KCNJ15: variants seen among roughly 807,000 people sequenced by gnomAD.
KCNJ15 encodes the protein potassium inwardly rectifying channel subfamily J member 15, also known as ATP-sensitive inward rectifier potassium channel 15.
KCNJ15 carries 14 observed loss-of-function variants against 23.0 expected under a neutral mutation model. The observed-to-expected ratio is 0.61, with a 90% CI of 0.40 to 0.95. The LOEUF (loss-of-function observed/expected upper bound fraction) is 0.95. KCNJ15 is among the 40% of genes least tolerant of loss of function. KCNJ15 has a pLI of 0.00. For synonymous variants in KCNJ15, 185 were observed against 183.2 expected, an observed-to-expected ratio of 1.01 and a Z score of -0.08; for missense variants, 388 against 461.8, an observed-to-expected ratio of 0.84 and a Z score of 1.46.
chr21:38,301,966 G>A lies in KCNJ15; in HGVS notation c.*1577G>A, dbSNP rs1055065057. The A allele has an allele frequency of 3.2e-5, 5 of 156,040 alleles. No homozygotes were observed. The highest frequency in any genetic ancestry group is 5.9e-5 in the Non-Finnish European group (4 of 67,924). The allele number at this position is 156,040 out of a possible 1,614,324, so 9.7% of individuals were successfully genotyped here. A position where few individuals can be genotyped will look rare whatever the true frequency, so the allele number is the denominator to read the frequency against. ...ACCAAGCACACACACAGTCACACAC[G>A]CACACACACACACATGCACACACGC... On this transcript the variant is annotated 3_prime_UTR_variant, in exon 3 of 3. Transcript: ENST00000398938.
intron 1 of KCNJ15, among the ~76,000 whole-genome samples, chr21:38,239,773 A>G (rs1181416013): frequency 1.3e-5 from 2 of 152,224 alleles, no homozygotes; most frequent in African/African-American, 2.4e-5. Flanking sequence ...GCTTGGGCCC[A>G]TATCCCAACT....
intron 1 of KCNJ15, among the ~76,000 whole-genome samples, chr21:38,290,931 A>G (rs2123706529): frequency 6.6e-6 from 1 of 150,898 alleles, no homozygotes; most frequent in East Asian, 1.9e-4. Flanking sequence ...CTCCCTAGAT[A>G]TAAAGTGTAG....
At chr21:38,271,693 CT>C (rs1455185843) in intron 1 of KCNJ15, among the ~76,000 whole-genome samples, 3 of 152,188 alleles carry the variant, frequency 2.0e-5, no homozygotes, top group African/African-American at 7.2e-5. Flanking sequence ...TGCTACACTG[CT>C]TAGGCCACAC....
intron 1 of KCNJ15, among the ~76,000 whole-genome samples, chr21:38,236,334 T>C (rs1978599369): frequency 6.6e-6 from 1 of 152,252 alleles, no homozygotes; most frequent in African/African-American, 2.4e-5. Context: ...CAAATTCTAA[T>C]TCTATTAGAA....
intron 1 of KCNJ15, among the ~76,000 whole-genome samples, chr21:38,274,031 T>C (rs1982380870): frequency 6.6e-6 from 1 of 152,244 alleles, no homozygotes; most frequent in Non-Finnish European, 1.5e-5. Flanking sequence ...TTCAAATGTT[T>C]ATGTTTCTAA....
chr21:38,235,993 G>A (rs112557080), intron 1 of KCNJ15, among the ~76,000 whole-genome samples: 35 of 152,298 alleles, frequency 2.3e-4, no homozygotes, highest in Middle Eastern at 3.4e-3. Flanking sequence ...TTTAGATTGT[G>A]TTAATATTTC....
rs574233367 is a variant in KCNJ15 at position 38,303,928 on chromosome 21, G to A, written c.*3539G>A. 12 of 152,200 alleles carry A rather than the reference G, an allele frequency of 7.9e-5. No homozygotes were observed. The highest frequency in any genetic ancestry group is 2.2e-4 in the African/African-American group (9 of 41,532). 9.4% of individuals were successfully genotyped at this position (152,200 alleles called of 1,614,324 possible). A position where few individuals can be genotyped will look rare whatever the true frequency, so the allele number is the denominator to read the frequency against. ...AGCACTAGGCCTTTGACTAGGTTTGGTTCTATATGCTGTCATGATGTTCAA... is the reference window on the plus strand; with the variant it reads ...AGCACTAGGCCTTTGACTAGGTTTGATTCTATATGCTGTCATGATGTTCAA... On this transcript the variant is annotated 3_prime_UTR_variant, in exon 3 of 3. Transcript: ENST00000398938.
In KCNJ15 at chr21:38,299,442, A is replaced by T. The variant is rs756694827; in HGVS notation, c.181A>T (p.Met61Leu). ...AGACCTGTGGACCACAGTTATCGAC[A>T]TGAAGTGGAGATACAAACTCACCCT... ...LQDLWTTVID[M>L]KWRYKLTLFA... The change falls in exon 3 of 3, where the codon ATG (methionine) becomes TTG (leucine). Residue 61 changes from methionine to leucine, a missense_variant. Physicochemically the swap from Met to Leu is conservative, Grantham distance 15. Coordinates refer to ENST00000398938, the MANE Select transcript of KCNJ15 (RefSeq NM_170736.3). The surrounding 1 kb of genome is among the most constrained non-coding windows in gnomAD (Gnocchi z 4.5). 6.2e-7 allele frequency: 1 copy of T among 1,614,198 alleles called. No individual in the cohort carries two copies. Among genetic ancestry groups the T allele is most frequent in the South Asian group, 1.1e-5 (1 of 91,078 alleles).
At chr21:38,242,801 T>C (rs1979101171) in intron 1 of KCNJ15, among the ~76,000 whole-genome samples, 1 of 152,158 alleles carries the variant, frequency 6.6e-6, no homozygotes, top group South Asian at 2.1e-4. Context: ...TTACACAAAC[T>C]ATTTGTATGC....
intron 1 of KCNJ15, among the ~76,000 whole-genome samples, chr21:38,233,984 A>C (rs1313291979): frequency 1.3e-5 from 2 of 152,194 alleles, no homozygotes; most frequent in Non-Finnish European, 2.9e-5. Context: ...TTCTTTCATT[A>C]ATCTTCTTAT....
intron 1 of KCNJ15, among the ~76,000 whole-genome samples, chr21:38,276,828 C>A (rs910175203): frequency 2.0e-5 from 3 of 151,992 alleles, no homozygotes; most frequent in Non-Finnish European, 4.4e-5. Flanking sequence ...GAAGTTTGAT[C>A]AAGGCATTTA....
chr21:38,230,266 C>A (rs1455414931), intron 1 of KCNJ15, among the ~76,000 whole-genome samples: 1 of 152,010 alleles, frequency 6.6e-6, no homozygotes, highest in Non-Finnish European at 1.5e-5. Context: ...ATTTGCATTT[C>A]CCTAGTGGCT....
At chr21:38,278,214 G>C (rs1982944410) in intron 1 of KCNJ15, among the ~76,000 whole-genome samples, 2 of 152,168 alleles carry the variant, frequency 1.3e-5, no homozygotes, top group South Asian at 4.1e-4. Flanking sequence ...CAGACATTAA[G>C]GCCCTGCTAG....
intron 1 of KCNJ15, among the ~76,000 whole-genome samples, chr21:38,268,407 G>A (rs552871292): frequency 2.1e-5 from 3 of 143,060 alleles, no homozygotes; most frequent in South Asian, 4.5e-4. Flanking sequence ...CATTGTAGCA[G>A]TATTGAAAGT....
chr21:38,282,079 G>A (rs954073394), intron 1 of KCNJ15, among the ~76,000 whole-genome samples: 4 of 152,004 alleles, frequency 2.6e-5, no homozygotes, highest in African/African-American at 4.8e-5. Context: ...GAGAAGTGTC[G>A]GTTCATTTCC....
At position 38,300,135 on chromosome 21, in the gene KCNJ15, G is replaced by A. The variant is rs750314102; in HGVS notation, c.874G>A (p.Ala292Thr). 2 of 1,614,042 alleles carry A rather than the reference G, an allele frequency of 1.2e-6. No homozygotes were observed. The highest frequency in any genetic ancestry group is 1.3e-5 in the African/African-American group (1 of 74,902). ...LLNATVESTS[A>T]VCQSRTSYIP... ...CAATGCCACTGTGGAATCCACCAGC[G>A]CTGTCTGCCAGAGCCGAACATCTTA... The change falls in exon 3 of 3, where the codon GCT (alanine) becomes ACT (threonine). Residue 292 changes from alanine to threonine, a missense_variant. By Grantham distance (58) the Ala-to-Thr change is moderately conservative. Coordinates refer to ENST00000398938, the MANE Select transcript of KCNJ15 (RefSeq NM_170736.3).
intron 1 of KCNJ15, among the ~76,000 whole-genome samples, chr21:38,236,195 G>T (rs898548882): frequency 6.6e-6 from 1 of 152,232 alleles, no homozygotes; most frequent in Non-Finnish European, 1.5e-5. Flanking sequence ...TTGAGGCAGG[G>T]ATGGTGAGTC....
chr21:38,277,198 C>T (rs1300790880), intron 1 of KCNJ15, among the ~76,000 whole-genome samples: 1 of 151,996 alleles, frequency 6.6e-6, no homozygotes, highest in African/African-American at 2.4e-5. Context: ...GTAAACATAT[C>T]CTGGAGATCG....
chr21:38,294,445 C>T (rs1049920174), intron 1 of KCNJ15, among the ~76,000 whole-genome samples: 7 of 152,130 alleles, frequency 4.6e-5, no homozygotes, highest in Non-Finnish European at 7.4e-5. Context: ...TGAGGAACCC[C>T]GGTTCTGGGG....
Sources: gnomAD v4.1 joint callset for allele counts (sites outside exome capture counted in the v4.1 genomes callset) on GRCh38, gnomAD v4.1.1 for gene constraint, Gnocchi (gnomAD v3.1) non-coding constraint, MANE v1.5 for transcripts, NCBI Gene and HGNC (gene_info 2026-07-23, HGNC 2026-07-21) for gene names.